Variants in NOX4 observed in about 807,000 individuals in gnomAD.
The protein encoded by NOX4 is NADPH oxidase 4.
In NOX4, 69 loss-of-function variants were observed where a neutral mutation model predicts 87.6. That is an observed-to-expected ratio of 0.79 (90% CI 0.65 to 0.96). The LOEUF (loss-of-function observed/expected upper bound fraction) is 0.96, where lower values mean the gene tolerates loss of function less well. Among genes scored for constraint, NOX4 ranks in the 40% least tolerant of loss-of-function variants. NOX4 has a pLI of 0.00. For synonymous variants in NOX4, 275 were observed against 238.2 expected (o/e 1.15, Z -1.42); for missense variants, 680 against 681.5 (o/e 1.00, Z 0.02).
At chr11:89,452,971 G>A (rs1945035122) in intron 2 of NOX4, among the ~76,000 whole-genome samples, 1 of 152,092 alleles carries the variant, frequency 6.6e-6, no homozygotes, top group Non-Finnish European at 1.5e-5. Context: ...TTGAACCCAG[G>A]AGCTTGAGGC....
chr11:89,496,426 A>G (rs1359798329), upstream of NOX4, among the ~76,000 whole-genome samples: 1 of 152,198 alleles, frequency 6.6e-6, no homozygotes, highest in African/African-American at 2.4e-5. Context: ...CCTACATTAA[A>G]CACTTTTCCA....
At chr11:89,468,553 A>T (rs751646708) in intron 2 of NOX4, among the ~76,000 whole-genome samples, 3 of 152,184 alleles carry the variant, frequency 2.0e-5, no homozygotes, top group Non-Finnish European at 4.4e-5. Flanking sequence ...AGTTTCCAAC[A>T]TATAGGTTTT....
the NOX4 span, among the ~76,000 whole-genome samples, chr11:89,513,732 A>C: frequency 6.6e-6 from 1 of 151,930 alleles, no homozygotes; most frequent in Non-Finnish European, 1.5e-5. Context: ...TGATGTATAT[A>C]TTTTTATCTT....
At position 89,400,032 on chromosome 11, in the gene NOX4, T is replaced by C. The variant is rs763364310; in HGVS notation, c.1059A>G (p.Pro353=). 11 of 1,607,864 alleles carry C rather than the reference T, an allele frequency of 6.8e-6. No individual in the cohort carries two copies. In the East Asian group the frequency reaches 2.2e-4, roughly 33 times the overall value. The change falls in exon 11 of 18, where the codon CCA becomes CCG. Residue 353 remains proline, a synonymous_variant. Transcript: ENST00000263317. ...CPSVSALENH[P]FTLTMCPTET... ...TGTTTCTTACCATTGTGAGGGTAAA[T>C]GGATGATTTTCTAATGCAGATACAC...
chr11:89,493,378 G>C (rs1946908835), upstream of NOX4, among the ~76,000 whole-genome samples: 1 of 145,984 alleles, frequency 6.9e-6, no homozygotes. Context: ...GACAGAGCAA[G>C]ACTCTATCTC....
the NOX4 span, among the ~76,000 whole-genome samples, chr11:89,583,917 G>C: frequency 6.6e-6 from 1 of 152,250 alleles, no homozygotes; most frequent in South Asian, 2.1e-4. Flanking sequence ...ACCAATAAAA[G>C]ATAGGTAAAT....
chr11:89,483,900 C>G (rs1170179451), intron 2 of NOX4, among the ~76,000 whole-genome samples: 1 of 151,992 alleles, frequency 6.6e-6, no homozygotes, highest in Admixed American at 6.6e-5. Context: ...TTTTATAAAA[C>G]AAGAATACAA....
intron 2 of NOX4, among the ~76,000 whole-genome samples, chr11:89,472,122 C>T (rs1945970716): frequency 6.6e-6 from 1 of 151,964 alleles, no homozygotes; most frequent in Non-Finnish European, 1.5e-5. Context: ...TCATGAGTAA[C>T]CAGAAAATGA....
intron 11 of NOX4, among the ~76,000 whole-genome samples, chr11:89,396,375 A>G (rs919249111): frequency 6.6e-6 from 1 of 152,168 alleles, no homozygotes; most frequent in African/African-American, 2.4e-5. Context: ...ACTTCGCTGA[A>G]GTTGCTTATC....
At chr11:89,373,637 T>C in intron 11 of NOX4, 145 bp from the exon 12 acceptor site, 1 of 540,566 alleles carries the variant, frequency 1.8e-6, no homozygotes, top group Non-Finnish European at 3.4e-6. Context: ...AGATCCTTAT[T>C]AGTGGAAGAA....
intron 8 of NOX4, among the ~76,000 whole-genome samples, chr11:89,412,316 G>A (rs538790062): frequency 6.4e-4 from 97 of 152,190 alleles, no homozygotes; most frequent in African/African-American, 2.0e-3. Flanking sequence ...TAGACCAAAT[G>A]GACCTAATAA....
At chr11:89,402,766 C>T (rs1487931291) in intron 8 of NOX4, among the ~76,000 whole-genome samples, 1 of 152,036 alleles carries the variant, frequency 6.6e-6, no homozygotes, top group Non-Finnish European at 1.5e-5. Context: ...TTTGGCACTC[C>T]AAACAAATGC....
At chr11:89,430,473 A>T (rs909728416) in intron 7 of NOX4, among the ~76,000 whole-genome samples, 4 of 152,212 alleles carry the variant, frequency 2.6e-5, no homozygotes, top group African/African-American at 9.6e-5. Context: ...TCAGCCCAAA[A>T]TCTCCTTAAG....
At chr11:89,502,669 T>C (rs988292104), upstream of NOX4, among the ~76,000 whole-genome samples, 14 of 152,026 alleles carry the variant, frequency 9.2e-5, no homozygotes, top group African/African-American at 3.1e-4. Flanking sequence ...AATGCTATAA[T>C]TGAATTACAA....
chr11:89,515,905 G>A, the NOX4 span, among the ~76,000 whole-genome samples: 1 of 151,936 alleles, frequency 6.6e-6, no homozygotes, highest in African/African-American at 2.4e-5. Flanking sequence ...CAAATTTCTT[G>A]AAAAACATTT....
intron 17 of NOX4, 30 bp from the exon 18 acceptor site, chr11:89,326,906 C>G: frequency 6.2e-7 from 1 of 1,611,138 alleles, no homozygotes; most frequent in East Asian, 2.2e-5. Context: ...AATGGAAAAT[C>G]AGGTGTAAAA....
chr11:89,379,057 C>T (rs1225744786), intron 11 of NOX4, among the ~76,000 whole-genome samples: 11 of 152,078 alleles, frequency 7.2e-5, no homozygotes, highest in African/African-American at 1.4e-4. Flanking sequence ...TTGGATTGAA[C>T]GTGTGCATTT....
At position 89,488,141 on chromosome 11, in the gene NOX4, T is replaced by C. The variant is rs372724647; in HGVS notation, c.153+2317A>G. 1.2e-4 allele frequency among the ~76,000 whole-genome samples: 19 copies of C among 152,256 alleles called. 1 individual carries two copies. The highest frequency in any genetic ancestry group is 3.9e-4 in the Admixed American group (6 of 15,280). On this transcript the variant is annotated intron_variant, in intron 2 of 17. Coordinates refer to ENST00000263317, the MANE Select transcript of NOX4 (RefSeq NM_016931.5). ...GGTAAAATGGAGAATACTTACCAGA[T>C]AGCTCAAATATCAACTCACTATAAT... is the stretch of plus-strand genomic sequence containing the variant.
chr11:89,528,338 G>A, the NOX4 span, among the ~76,000 whole-genome samples: 203 of 152,284 alleles, frequency 1.3e-3, 3 homozygotes, highest in Admixed American at 8.2e-3. Context: ...CTTCTGGAAT[G>A]AATTAAGACT....
Sources: allele counts gnomAD v4.1 joint callset (sites outside exome capture counted in the v4.1 genomes callset), GRCh38; gene constraint gnomAD v4.1.1; transcripts MANE v1.5; gene names NCBI Gene and HGNC (gene_info 2026-07-23, HGNC 2026-07-21).